NUP62CL: variants seen among roughly 807,000 people sequenced by gnomAD.
The protein encoded by NUP62CL is nucleoporin 62 C-terminal like, also known as nucleoporin-62 C-terminal-like protein.
In NUP62CL, 13 loss-of-function variants were observed where a neutral mutation model predicts 15.3. The observed-to-expected ratio is 0.85, with a 90% CI of 0.55 to 1.35. The LOEUF is 1.35. Among genes scored for constraint, NUP62CL ranks in the 40% most tolerant of loss-of-function variants. The pLI is 0.00. For synonymous variants in NUP62CL, 54 were observed against 49.2 expected, an observed-to-expected ratio of 1.10 and a Z score of -0.41; for missense variants, 123 against 130.6, an observed-to-expected ratio of 0.94 and a Z score of 0.28.
At chrX:107,135,688 C>A (rs186095627) in intron 8 of NUP62CL, among the ~76,000 whole-genome samples, 2 of 111,108 alleles carry the variant, frequency 1.8e-5, no homozygotes, top group Non-Finnish European at 3.8e-5. Flanking sequence ...CTTAGCTGGG[C>A]GCGTTGGCAA....
chrX:107,175,027 G>C (rs959473066), intron 3 of NUP62CL, 62 bp downstream of exon 3: 3 of 881,401 alleles, frequency 3.4e-6, no homozygotes, highest in Non-Finnish European at 5.0e-6. Context: ...GCATATACTG[G>C]CAAACTGAGT....
intron 4 of NUP62CL, among the ~76,000 whole-genome samples, chrX:107,165,767 T>C (rs1465998825): frequency 8.9e-6 from 1 of 111,794 alleles, no homozygotes; most frequent in African/African-American, 3.2e-5. Context: ...TTGACACAAA[T>C]TGATTTTTGA....
intron 2 of NUP62CL, among the ~76,000 whole-genome samples, chrX:107,179,336 T>C (rs973829380): frequency 5.4e-5 from 6 of 110,436 alleles, no homozygotes; most frequent in African/African-American, 1.6e-4. Context: ...ATAGTGGGGG[T>C]TGGGCTTCTA....
Position 107,132,587 on chromosome X carries a change from C to T in NUP62CL, c.*43-8255G>A, listed in dbSNP as rs770919656. Among the ~76,000 whole-genome samples, 309 of 110,641 alleles carry T rather than the reference C, an allele frequency of 2.8e-3. 2 individuals are homozygous for T. The highest frequency in any genetic ancestry group is 9.6e-3 in the African/African-American group (290 of 30,186). On this transcript the variant is annotated intron_variant, in intron 8 of 8. Coordinates refer to ENST00000372466, the MANE Select transcript of NUP62CL (RefSeq NM_017681.3). ...CAGTCTGGGTAACGTGGGGAGGCCC[C>T]GTCTCTACAAAAAATTTTTTAGAAT...
intron 8 of NUP62CL, among the ~76,000 whole-genome samples, chrX:107,137,360 A>G (rs1402979425): frequency 1.8e-5 from 2 of 111,871 alleles, no homozygotes; most frequent in East Asian, 5.6e-4. Flanking sequence ...TATCACTACT[A>G]CTCAACATAG....
At chrX:107,152,550 A>C (rs932292563) in intron 7 of NUP62CL, among the ~76,000 whole-genome samples, 1 of 111,375 alleles carries the variant, frequency 9.0e-6, no homozygotes, top group African/African-American at 3.3e-5. Flanking sequence ...ACAAATTCTA[A>C]TACTTAATAA....
intron 4 of NUP62CL, among the ~76,000 whole-genome samples, chrX:107,158,024 G>C (rs1926253745): frequency 1.1e-5 from 1 of 90,762 alleles, no homozygotes; most frequent in Non-Finnish European, 2.2e-5. Context: ...GATCAAAAGA[G>C]ACAAAGAAGG....
intron 8 of NUP62CL, among the ~76,000 whole-genome samples, chrX:107,131,109 T>A (rs950624676): frequency 1.8e-5 from 2 of 111,216 alleles, no homozygotes; most frequent in Non-Finnish European, 1.9e-5. Flanking sequence ...TGATTGCCCC[T>A]AGGGAGTAAG....
chrX:107,163,399 AC>A (rs754848707), intron 4 of NUP62CL, among the ~76,000 whole-genome samples: 1 of 110,912 alleles, frequency 9.0e-6, no homozygotes, highest in Non-Finnish European at 1.9e-5. Context: ...ACAAGATGAA[AC>A]CCCCCCAAAA....
intron 2 of NUP62CL, among the ~76,000 whole-genome samples, chrX:107,189,860 AGGAAGGAAAAAG>A (rs1313382491): frequency 1.1e-5 from 1 of 88,786 alleles, no homozygotes; most frequent in Non-Finnish European, 2.2e-5. Context: ...GAAGGAAGGA[AGGAAGGAAAAAG>A]AAAGAAAAGA....
intron 2 of NUP62CL, among the ~76,000 whole-genome samples, chrX:107,175,416 G>T (rs947328626): frequency 2.7e-5 from 3 of 111,470 alleles, no homozygotes; most frequent in Non-Finnish European, 3.8e-5. Flanking sequence ...TCATAACAAA[G>T]AAATTCTACT....
At chrX:107,152,075 TTCAG>T (rs1323983473) in intron 7 of NUP62CL, among the ~76,000 whole-genome samples, 1,506 of 54,054 alleles carry the variant, frequency 0.028, 89 homozygotes, top group East Asian at 0.046. Flanking sequence ...TATATATATA[TTCAG>T]ATATATATAT....
intron 8 of NUP62CL, among the ~76,000 whole-genome samples, chrX:107,127,317 G>A (rs893851757): frequency 1.8e-5 from 2 of 111,797 alleles, no homozygotes; most frequent in African/African-American, 6.5e-5. Context: ...GGGAATAACT[G>A]CAAATGGCCA....
chrX:107,147,955 T>G, intron 7 of NUP62CL, 146 bp from the exon 8 acceptor site: 2 of 452,287 alleles, frequency 4.4e-6, no homozygotes, highest in African/African-American at 2.4e-5. Flanking sequence ...ATTTTTTTGT[T>G]GCTAATTCAT....
At chrX:107,126,714 A>G (rs760839027) in intron 8 of NUP62CL, among the ~76,000 whole-genome samples, 2 of 112,529 alleles carry the variant, frequency 1.8e-5, no homozygotes, top group African/African-American at 3.2e-5. Flanking sequence ...ATCAATCTAA[A>G]TGTAAGTGCT....
chrX:107,165,313 A>AAAT (rs1926491691), intron 4 of NUP62CL, among the ~76,000 whole-genome samples: 2 of 109,499 alleles, frequency 1.8e-5, no homozygotes, highest in South Asian at 3.8e-4. Flanking sequence ...TCAAAAAAAA[A>AAAT]AATAATAATA....
intron 2 of NUP62CL, among the ~76,000 whole-genome samples, chrX:107,187,476 C>T (rs1413893869): frequency 8.9e-6 from 1 of 112,421 alleles, no homozygotes; most frequent in Admixed American, 9.4e-5. Flanking sequence ...TGGCTCACTG[C>T]AACCTCTGCC....
At chrX:107,154,959 G>C (rs916977511) in intron 4 of NUP62CL, among the ~76,000 whole-genome samples, 2 of 111,904 alleles carry the variant, frequency 1.8e-5, no homozygotes, top group African/African-American at 6.5e-5. Flanking sequence ...AATGAGGCAG[G>C]GTTAGTCACC....
intron 1 of NUP62CL, among the ~76,000 whole-genome samples, chrX:107,203,903 T>A (rs1016242934): frequency 1.3e-4 from 14 of 111,482 alleles, no homozygotes; most frequent in Non-Finnish European, 2.6e-4. Context: ...ATACTCTATA[T>A]AAAAGAATTA....
Sources: allele counts gnomAD v4.1 joint callset (sites outside exome capture counted in the v4.1 genomes callset), GRCh38; gene constraint gnomAD v4.1.1; transcripts MANE v1.5; gene names NCBI Gene and HGNC (gene_info 2026-07-23, HGNC 2026-07-21).